SRGAP3: variants seen among roughly 807,000 people sequenced by gnomAD.
The protein encoded by SRGAP3 is SLIT-ROBO Rho GTPase activating protein 3, also known as SLIT-ROBO Rho GTPase-activating protein 3.
SRGAP3 carries 39 observed loss-of-function variants against 121.1 expected under a neutral mutation model. That is an observed-to-expected ratio of 0.32 (90% CI 0.25 to 0.42). SRGAP3 has a LOEUF of 0.42. Ranked by LOEUF, SRGAP3 falls within the 10% of genes least tolerant of loss-of-function variation. SRGAP3 has a pLI of 1.00. For synonymous variants in SRGAP3, 601 were observed against 570.0 expected (o/e 1.05, Z -0.77); for missense variants, 1,213 against 1,470.6 (o/e 0.82, Z 2.86).
intron 1 of SRGAP3, among the ~76,000 whole-genome samples, chr3:9,149,213 CAAAA>C (rs548286364): frequency 1.8e-5 from 1 of 56,604 alleles, no homozygotes; most frequent in African/African-American, 6.5e-5. Context: ...GACTCCGTCT[CAAAA>C]AAAAAAAAAA....
intron 3 of SRGAP3, among the ~76,000 whole-genome samples, chr3:9,102,333 A>C (rs1948248373): frequency 6.6e-6 from 1 of 152,188 alleles, no homozygotes; most frequent in South Asian, 2.1e-4. Flanking sequence ...CCCAGGGTGC[A>C]GTGATAGGCA....
intron 14 of SRGAP3, among the ~76,000 whole-genome samples, chr3:9,022,477 C>T (rs1421153280): frequency 6.6e-6 from 1 of 152,162 alleles, no homozygotes; most frequent in East Asian, 1.9e-4. Context: ...AGATTTGGGC[C>T]ACCCCGTCGC....
At chr3:9,201,376 C>T (rs1952063561) in intron 1 of SRGAP3, among the ~76,000 whole-genome samples, 1 of 152,174 alleles carries the variant, frequency 6.6e-6, no homozygotes, top group Non-Finnish European at 1.5e-5. Flanking sequence ...GATGTTCAGC[C>T]AAATTAAGTG....
At chr3:9,043,154 C>A (rs1945100709) in intron 10 of SRGAP3, among the ~76,000 whole-genome samples, 1 of 152,122 alleles carries the variant, frequency 6.6e-6, no homozygotes, top group Admixed American at 6.5e-5. Flanking sequence ...ATAATTCCCA[C>A]CCCCAGCTGT....
intron 2 of SRGAP3, among the ~76,000 whole-genome samples, chr3:9,329,996 C>T (rs1955580457): frequency 6.6e-6 from 1 of 152,220 alleles, no homozygotes; most frequent in East Asian, 1.9e-4. Context: ...GAATGTTCCA[C>T]TGCAAGTTAT....
At chr3:9,049,910 G>A (rs577426731) in intron 9 of SRGAP3, among the ~76,000 whole-genome samples, 231 of 151,534 alleles carry the variant, frequency 1.5e-3, no homozygotes, top group East Asian at 2.9e-3. Flanking sequence ...ACAGGCACAC[G>A]CCAGCCAAGT....
chr3:9,291,094 G>C (rs1385937213), intron 3 of SRGAP3, among the ~76,000 whole-genome samples: 2 of 152,102 alleles, frequency 1.3e-5, no homozygotes, highest in Non-Finnish European at 2.9e-5. Flanking sequence ...AGAGGAAAAG[G>C]AGTGCAATAA....
chr3:9,009,094 C>G (rs528839628), intron 18 of SRGAP3, among the ~76,000 whole-genome samples: 9 of 152,304 alleles, frequency 5.9e-5, no homozygotes, highest in Non-Finnish European at 1.2e-4. Flanking sequence ...TGGGACTTTT[C>G]AGGTATAGGA....
intron 1 of SRGAP3, among the ~76,000 whole-genome samples, chr3:9,198,171 G>A (rs1951966550): frequency 6.6e-6 from 1 of 152,200 alleles, no homozygotes; most frequent in African/African-American, 2.4e-5. Context: ...TGGATGACAA[G>A]GCTTTCTGTC....
At chr3:9,170,507 G>A (rs566618695) in intron 1 of SRGAP3, among the ~76,000 whole-genome samples, 1 of 152,292 alleles carries the variant, frequency 6.6e-6, no homozygotes, top group African/African-American at 2.4e-5. Flanking sequence ...GACCTGAGCA[G>A]AGGTGGGCTG....
At chr3:9,092,984 A>T (rs937037242) in intron 3 of SRGAP3, among the ~76,000 whole-genome samples, 15 of 151,848 alleles carry the variant, frequency 9.9e-5, no homozygotes, top group African/African-American at 3.6e-4. Flanking sequence ...TCTCTCTCTA[A>T]GAGTCACTCA....
chr3:8,990,360 C>T (rs1941962838), intron 21 of SRGAP3, 152 bp downstream of exon 21: 1 of 1,023,286 alleles, frequency 9.8e-7, no homozygotes, highest in Non-Finnish European at 1.4e-6. Context: ...ACGGGAAGCC[C>T]AGCAAGGGAC....
chr3:9,299,051 C>CAAAAA (rs71049787), intron 3 of SRGAP3, among the ~76,000 whole-genome samples: 7 of 70,386 alleles, frequency 9.9e-5, no homozygotes, highest in East Asian at 3.6e-4. Context: ...GACTCCATCT[C>CAAAAA]AAAAAAAAAA....
chr3:9,124,743 G>C lies in SRGAP3; in HGVS notation c.242C>G (p.Ser81Cys). The change falls in exon 2 of 22, where the codon TCC becomes TGC. Residue 81 changes from serine (S) to cysteine (C), a missense_variant. Ser to Cys is a moderately radical substitution (Grantham distance 112, BLOSUM62 -1). Transcript: ENST00000383836. The part of the protein sequence containing the change: ...AERFSSKIRS[S>C]REHQFKKDQY... Reference sequence around the variant, plus strand: ...TTCTTACTTGAACTGGTGCTCCCGGGAGCTGCGGATTTTGGAGGAGAAGCG... The same window carrying C: ...TTCTTACTTGAACTGGTGCTCCCGGCAGCTGCGGATTTTGGAGGAGAAGCG... 6.2e-7 allele frequency: 1 copy of C among 1,614,088 alleles called. No homozygotes were observed.
chr3:9,046,317 TTTTTGA>T (rs1945275821), intron 10 of SRGAP3, among the ~76,000 whole-genome samples: 1 of 152,142 alleles, frequency 6.6e-6, no homozygotes, highest in African/African-American at 2.4e-5. Context: ...CACGAGGGAA[TTTTTGA>T]GGGTGACTGA....
intron 3 of SRGAP3, among the ~76,000 whole-genome samples, chr3:9,299,228 G>T (rs970599449): frequency 2.0e-5 from 3 of 151,172 alleles, no homozygotes; most frequent in African/African-American, 7.3e-5. Flanking sequence ...GGGCATGCTG[G>T]TGCATGCCTG....
intron 1 of SRGAP3, among the ~76,000 whole-genome samples, chr3:9,335,023 A>G (rs561116458): frequency 7.9e-5 from 12 of 152,216 alleles, no homozygotes; most frequent in Non-Finnish European, 1.2e-4. Context: ...GGCCTATGGG[A>G]ACTCTGCCAA....
intron 21 of SRGAP3, 37 bp downstream of exon 21, chr3:8,990,475 T>G (rs2648330): frequency 0.13 from 202,201 of 1,548,942 alleles, 23,355 homozygotes; most frequent in African/African-American, 0.6. Flanking sequence ...CCTCTGGGGC[T>G]TTTGGCTGCC....
intron 18 of SRGAP3, among the ~76,000 whole-genome samples, chr3:9,009,002 C>A (rs1943224776): frequency 2.0e-5 from 3 of 152,212 alleles, no homozygotes; most frequent in Non-Finnish European, 2.9e-5. Flanking sequence ...CAGAGGGAAG[C>A]AGAACAAGAA....
Sources: allele counts gnomAD v4.1 joint callset (sites outside exome capture counted in the v4.1 genomes callset), GRCh38; gene constraint gnomAD v4.1.1; transcripts MANE v1.5; gene names NCBI Gene and HGNC (gene_info 2026-07-23, HGNC 2026-07-21).